Variants in LRFN5 observed in about 807,000 individuals in gnomAD.
LRFN5 encodes leucine rich repeat and fibronectin type III domain containing 5, also known as leucine-rich repeat and fibronectin type-III domain-containing protein 5.
In LRFN5, 24 loss-of-function variants were observed where a neutral mutation model predicts 45.6. The ratio of observed to expected loss-of-function variants is 0.53; its 90% CI spans 0.38 to 0.74. The LOEUF (loss-of-function observed/expected upper bound fraction) is 0.74. Ranked by LOEUF, LRFN5 falls within the 30% of genes least tolerant of loss-of-function variation. The pLI is 0.00. For synonymous variants in LRFN5, 340 were observed against 313.8 expected (o/e 1.08, Z -0.88); for missense variants, 776 against 861.5 (o/e 0.90, Z 1.24).
intron 1 of LRFN5, among the ~76,000 whole-genome samples, chr14:41,671,674 T>G (rs572128059): frequency 7.4e-6 from 1 of 135,426 alleles, no homozygotes; most frequent in South Asian, 2.7e-4. Flanking sequence ...TGGAGTGCAA[T>G]GGCACTATCT....
At chr14:41,658,673 G>A (rs1880489425) in intron 1 of LRFN5, among the ~76,000 whole-genome samples, 1 of 151,808 alleles carries the variant, frequency 6.6e-6, no homozygotes, top group Non-Finnish European at 1.5e-5. Flanking sequence ...GAAATTTTTA[G>A]CATATTTTCC....
At chr14:41,750,703 CAG>C (rs1243689967) in intron 1 of LRFN5, among the ~76,000 whole-genome samples, 1 of 152,102 alleles carries the variant, frequency 6.6e-6, no homozygotes, top group Non-Finnish European at 1.5e-5. Flanking sequence ...GTTTAATTGA[CAG>C]AGTTTTGCAT....
At chr14:41,882,124 C>CTT (rs1401226394) in intron 2 of LRFN5, among the ~76,000 whole-genome samples, 1 of 152,166 alleles carries the variant, frequency 6.6e-6, no homozygotes, top group African/African-American at 2.4e-5. Flanking sequence ...ACAGATGAAT[C>CTT]TTTTGATTTC....
At chr14:41,647,571 G>C (rs1447387680) in intron 1 of LRFN5, among the ~76,000 whole-genome samples, 1 of 152,092 alleles carries the variant, frequency 6.6e-6, no homozygotes, top group Non-Finnish European at 1.5e-5. Context: ...GTGGAGGAAG[G>C]GGTTAGGTTA....
At chr14:41,619,148 G>T (rs1888027276) in intron 1 of LRFN5, among the ~76,000 whole-genome samples, 1 of 151,898 alleles carries the variant, frequency 6.6e-6, no homozygotes, top group African/African-American at 2.4e-5. Context: ...ATTTCTCCAA[G>T]ATTTCATTTT....
In LRFN5 at chr14:41,693,503, G is replaced by A. The variant is rs183842530; in HGVS notation, c.-196-73351G>A. ...ATTTTTTCTCAACAATGTTTTGGAC[G>A]TTTGAATGTGGTGGTTTTGTATATA... On this transcript the variant is annotated intron_variant, in intron 1 of 5. Transcript: ENST00000298119. Among the ~76,000 whole-genome samples, 539 of 152,012 alleles carry A rather than the reference G, an allele frequency of 3.5e-3. 5 individuals are homozygous for A. Among genetic ancestry groups the A allele is most frequent in the African/African-American group, 0.012 (513 of 41,518 alleles).
intron 2 of LRFN5, among the ~76,000 whole-genome samples, chr14:41,782,106 A>G (rs549086050): frequency 4.6e-5 from 7 of 152,000 alleles, no homozygotes; most frequent in African/African-American, 1.7e-4. Flanking sequence ...ATTATTTTAA[A>G]TATTTTCCTA....
intron 1 of LRFN5, among the ~76,000 whole-genome samples, chr14:41,620,487 T>A (rs568200678): frequency 6.6e-6 from 1 of 152,160 alleles, no homozygotes; most frequent in Admixed American, 6.5e-5. Context: ...TAAGGACATG[T>A]TCGAAGAATT....
intron 1 of LRFN5, among the ~76,000 whole-genome samples, chr14:41,616,782 A>G (rs866942289): frequency 1.3e-5 from 2 of 152,116 alleles, no homozygotes; most frequent in Non-Finnish European, 2.9e-5. Context: ...ATAGTTGTCA[A>G]GATCAACACA....
rs1887480578 is a variant in LRFN5 at position 41,805,307 on chromosome 14, GA to G, written c.-21+38280del. 4.6e-5 allele frequency among the ~76,000 whole-genome samples: 7 copies of G among 150,792 alleles called. No individual in the cohort carries two copies. In the Admixed American group the frequency reaches 4.6e-4, roughly 10 times the overall value. On this transcript the variant is annotated intron_variant, in intron 2 of 5. Coordinates refer to ENST00000298119, the MANE Select transcript of LRFN5 (RefSeq NM_152447.5). ...TTTATATATTATAGAATAAAATATAGAAGAACAAGTATATCAATTATGCAGA... is the reference window on the plus strand; with the variant it reads ...TTTATATATTATAGAATAAAATATAGAGAACAAGTATATCAATTATGCAGA...
At chr14:41,787,250 A>T (rs373792199) in intron 2 of LRFN5, among the ~76,000 whole-genome samples, 22 of 152,184 alleles carry the variant, frequency 1.4e-4, no homozygotes, top group African/African-American at 5.1e-4. Context: ...CCCAATGCAG[A>T]TCTTGGGAGC....
chr14:41,890,717 A>G (rs1890750781), intron 3 of LRFN5, among the ~76,000 whole-genome samples: 1 of 145,294 alleles, frequency 6.9e-6, no homozygotes, highest in Non-Finnish European at 1.5e-5. Flanking sequence ...AAAAAAAAAA[A>G]AAAAAACTTT....
rs557475112 is a variant in LRFN5 at position 41,757,737 on chromosome 14, C to T, written c.-196-9117C>T. Among the ~76,000 whole-genome samples, 24 of 152,310 alleles carry T rather than the reference C, an allele frequency of 1.6e-4. 1 individual carries two copies. The highest frequency in any genetic ancestry group is 2.4e-4 in the Non-Finnish European group (16 of 68,030). Reference sequence around the variant, plus strand: ...GGCGATGCCTTGCCCTGCTTTGGCTCACGCTCGGTGCGCTGCACCCACTGT... The same window carrying T: ...GGCGATGCCTTGCCCTGCTTTGGCTTACGCTCGGTGCGCTGCACCCACTGT... On this transcript the variant is annotated intron_variant, in intron 1 of 5. Transcript: ENST00000298119.
chr14:41,888,457 T>A (rs368360188), intron 3 of LRFN5, among the ~76,000 whole-genome samples: 126 of 152,258 alleles, frequency 8.3e-4, no homozygotes, highest in African/African-American at 2.7e-3. Flanking sequence ...TCCTCAGTGG[T>A]GGCAAATCTT....
At chr14:41,613,955 ATGGATTTTAG>A in intron 1 of LRFN5, among the ~76,000 whole-genome samples, 2 of 152,094 alleles carry the variant, frequency 1.3e-5, no homozygotes, top group Middle Eastern at 6.8e-3. Context: ...TAGGTTTTCC[ATGGATTTTAG>A]TGGTATTACC....
rs1247083420 is a variant in LRFN5, at chr14:41,733,912, T to G, written c.-196-32942T>G. Reference sequence around the variant, plus strand: ...GCAAGTAGGGTATTGAAGTATTCTGTTGTTATTGTATTGCAGATCTCTTTC... The same window carrying G: ...GCAAGTAGGGTATTGAAGTATTCTGGTGTTATTGTATTGCAGATCTCTTTC... On this transcript the variant is annotated intron_variant, in intron 1 of 5. Coordinates refer to ENST00000298119, the MANE Select transcript of LRFN5 (RefSeq NM_152447.5). 2.0e-5 allele frequency among the ~76,000 whole-genome samples: 3 copies of G among 151,182 alleles called. No homozygotes were observed. The East Asian group carries it at 5.8e-4, about 29-fold the overall frequency.
intron 1 of LRFN5, among the ~76,000 whole-genome samples, chr14:41,630,023 A>AT (rs1003083421): frequency 1.3e-5 from 2 of 152,024 alleles, no homozygotes; most frequent in African/African-American, 4.8e-5. Context: ...GCTTCTTTCA[A>AT]TTTTTTTATC....
At chr14:41,702,796 T>C (rs571921473) in intron 1 of LRFN5, among the ~76,000 whole-genome samples, 4 of 151,984 alleles carry the variant, frequency 2.6e-5, no homozygotes, top group Admixed American at 2.6e-4. Flanking sequence ...ATCACACTAA[T>C]TTCTACAGTA....
At chr14:41,614,818 C>T (rs888698779) in intron 1 of LRFN5, among the ~76,000 whole-genome samples, 1 of 152,036 alleles carries the variant, frequency 6.6e-6, no homozygotes, top group African/African-American at 2.4e-5. Flanking sequence ...AGGCACCTGA[C>T]TGTTATTAAC....
Sources: gnomAD v4.1 joint callset for allele counts (sites outside exome capture counted in the v4.1 genomes callset) on GRCh38, gnomAD v4.1.1 for gene constraint, MANE v1.5 for transcripts, NCBI Gene and HGNC (gene_info 2026-07-23, HGNC 2026-07-21) for gene names.